Variants in ARHGAP32 observed in about 807,000 individuals in gnomAD.
ARHGAP32 encodes Rho GTPase activating protein 32.
A neutral mutation model predicts 186.5 loss-of-function variants in ARHGAP32; 51 were observed. That is an observed-to-expected ratio of 0.27 (90% CI 0.22 to 0.35). The LOEUF (loss-of-function observed/expected upper bound fraction) is 0.35. Ranked by LOEUF, ARHGAP32 falls within the 10% of genes least tolerant of loss-of-function variation. The pLI is 1.00. For synonymous variants in ARHGAP32, 950 were observed against 964.3 expected, an observed-to-expected ratio of 0.99 and a Z score of 0.27; for missense variants, 2,186 against 2,623.5, an observed-to-expected ratio of 0.83 and a Z score of 3.64.
Position 128,973,069 on chromosome 11 carries a change from T to C in ARHGAP32, c.3437A>G (p.His1146Arg), listed in dbSNP as rs776243486. The change falls in exon 22 of 23, where the codon CAT becomes CGT. Residue 1146 changes from histidine (H) to arginine (R), a missense_variant. Coordinates refer to ENST00000682385, the MANE Select transcript of ARHGAP32 (RefSeq NM_001378024.1). ...PETTATGDPT[H>R]SNTTESGEQH... ...CTCCCCAGATTCAGTTGTGTTGGAA[T>C]GGGTAGGATCCCCAGTAGCTGTTGT... is the stretch of plus-strand genomic sequence containing the variant. The C allele has an allele frequency of 1.2e-6, 2 of 1,614,120 alleles. No homozygotes were observed. The highest frequency in any genetic ancestry group is 3.3e-5 in the Admixed American group (2 of 60,012).
At chr11:129,021,534 T>G (rs1253939094) in intron 11 of ARHGAP32, among the ~76,000 whole-genome samples, 1 of 152,040 alleles carries the variant, frequency 6.6e-6, no homozygotes, top group African/African-American at 2.4e-5. Context: ...ATAGTTCCCT[T>G]GGGAAAATGG....
At chr11:129,276,179 A>G (rs924287648) in intron 1 of ARHGAP32, among the ~76,000 whole-genome samples, 2 of 152,256 alleles carry the variant, frequency 1.3e-5, no homozygotes, top group Non-Finnish European at 2.9e-5. Context: ...TCTCCAAGTA[A>G]TTGAAAATTC....
rs193269330 is a variant in ARHGAP32, at chr11:129,206,928, C to G, written c.-4-42501G>C. Among the ~76,000 whole-genome samples, 395 of 152,140 alleles carry G rather than the reference C, an allele frequency of 2.6e-3. 6 individuals carry two copies. The highest frequency in any genetic ancestry group is 9.1e-3 in the African/African-American group (376 of 41,502). Reference sequence around the variant, plus strand: ...TAGCCCCTCACCCCCCAACAGGCCCCGGTGTGTGATGTTCCCCTCTCTGTG... The same window carrying G: ...TAGCCCCTCACCCCCCAACAGGCCCGGGTGTGTGATGTTCCCCTCTCTGTG... On this transcript the variant is annotated intron_variant, in intron 1 of 6. Transcript: ENST00000525234.
chr11:129,136,161 T>C (rs2135415775), intron 2 of ARHGAP32, among the ~76,000 whole-genome samples: 1 of 152,130 alleles, frequency 6.6e-6, no homozygotes, highest in African/African-American at 2.4e-5. Context: ...AAGGCAAAAC[T>C]TGAATGAGCA....
intron 20 of ARHGAP32, among the ~76,000 whole-genome samples, chr11:128,975,838 CAGGAGTTCG>C (rs768697670): frequency 4.6e-5 from 7 of 152,248 alleles, no homozygotes; most frequent in Admixed American, 3.9e-4. Flanking sequence ...CACCTGAGGT[CAGGAGTTCG>C]AGACTAGCCT....
intron 10 of ARHGAP32, among the ~76,000 whole-genome samples, chr11:129,052,119 C>T (rs1234290611): frequency 6.6e-6 from 1 of 152,084 alleles, no homozygotes; most frequent in Non-Finnish European, 1.5e-5. Flanking sequence ...ATAAAGTTTA[C>T]TTTGGAGACG....
intron 5 of ARHGAP32, among the ~76,000 whole-genome samples, chr11:129,116,473 T>C (rs899438320): frequency 8.5e-5 from 13 of 152,170 alleles, no homozygotes; most frequent in African/African-American, 3.1e-4. Flanking sequence ...GGGAGTATAC[T>C]GCAGAACATG....
chr11:129,228,031 C>T (rs1041922539), intron 1 of ARHGAP32, among the ~76,000 whole-genome samples: 7 of 152,040 alleles, frequency 4.6e-5, no homozygotes, highest in Admixed American at 6.6e-5. Context: ...ACACAAACTA[C>T]GCTCTCTAAA....
chr11:129,053,086 G>GA (rs1480650250), intron 10 of ARHGAP32, among the ~76,000 whole-genome samples: 1 of 151,608 alleles, frequency 6.6e-6, no homozygotes, highest in South Asian at 2.1e-4. Flanking sequence ...ATAAAAAAAA[G>GA]AAAAAAACTA....
chr11:129,036,380 C>CAAAAAAAAAA (rs58678377), intron 11 of ARHGAP32, among the ~76,000 whole-genome samples: 1 of 98,682 alleles, frequency 1.0e-5, no homozygotes, highest in African/African-American at 4.5e-5. Context: ...AACTCCGTCT[C>CAAAAAAAAAA]AAAAAAAAAA....
intron 1 of ARHGAP32, among the ~76,000 whole-genome samples, chr11:129,277,662 A>G (rs1455308478): frequency 6.6e-6 from 1 of 152,178 alleles, no homozygotes; most frequent in East Asian, 1.9e-4. Context: ...CTTAAACACA[A>G]TTCCAACCTG....
rs1945224558 is a variant in ARHGAP32 at position 128,966,492 on chromosome 11, TG to T, written c.*2414del. 1 of 152,254 alleles carries T rather than the reference TG, an allele frequency of 6.6e-6. No individual in the cohort carries two copies. Among genetic ancestry groups the T allele is most frequent in the African/African-American group, 2.4e-5 (1 of 41,468 alleles). 9.4% of individuals were successfully genotyped at this position (152,254 alleles called of 1,614,324 possible). On this transcript the variant is annotated 3_prime_UTR_variant, in exon 23 of 23. Coordinates refer to ENST00000682385, the MANE Select transcript of ARHGAP32 (RefSeq NM_001378024.1). ...GCATTAAATGAAGCAACTCTAGATT[TG>T]ATCTGAAGTTTGTGTTTCACGCTTG...
chr11:128,970,528 T>A lies in ARHGAP32; in HGVS notation c.4685A>T (p.His1562Leu), dbSNP rs759079332. 4 of 1,613,512 alleles carry A rather than the reference T, an allele frequency of 2.5e-6. No homozygotes were observed. The Admixed American group carries it at 5.0e-5, about 20-fold the overall frequency. Residue 1562 changes from histidine (H) to leucine (L), a missense_variant, in exon 23 of 23, where the codon CAC (histidine) becomes CTC (leucine). By Grantham distance (99) the His-to-Leu change is moderately conservative. This residue lies in a region of ARHGAP32 where 1,502 missense variants were observed against 1,570.0 expected (regional missense o/e 0.96). Coordinates refer to ENST00000682385, the MANE Select transcript of ARHGAP32 (RefSeq NM_001378024.1). The surrounding 1 kb of genome is among the most constrained non-coding windows in gnomAD (Gnocchi z 5.8). ...CTCGACCCGGCTGCATGGCTTGGAGTGGTGTCCAGATGCGTTTCTTCCTGG... is the reference window on the plus strand; with the variant it reads ...CTCGACCCGGCTGCATGGCTTGGAGAGGTGTCCAGATGCGTTTCTTCCTGG... ...VAPGRNASGH[H>L]SKPCSRVEYV...
chr11:129,015,965 A>G (rs542782084), intron 11 of ARHGAP32, among the ~76,000 whole-genome samples: 1 of 152,244 alleles, frequency 6.6e-6, no homozygotes, highest in East Asian at 1.9e-4. Context: ...CTTTTCAACC[A>G]TATTTCAACT....
intron 1 of ARHGAP32, among the ~76,000 whole-genome samples, chr11:129,172,941 G>T (rs1299685822): frequency 4.1e-5 from 6 of 144,916 alleles, no homozygotes; most frequent in Non-Finnish European, 9.0e-5. Flanking sequence ...AAATAACTAA[G>T]ATCAGAGAAG....
chr11:129,133,865 C>T (rs1942875135), intron 2 of ARHGAP32, among the ~76,000 whole-genome samples: 1 of 152,120 alleles, frequency 6.6e-6, no homozygotes, highest in Non-Finnish European at 1.5e-5. Context: ...GCAAATATAA[C>T]AGATTATTAA....
At chr11:129,012,147 G>C (rs1044897580) in intron 11 of ARHGAP32, among the ~76,000 whole-genome samples, 1 of 152,074 alleles carries the variant, frequency 6.6e-6, no homozygotes, top group Non-Finnish European at 1.5e-5. Context: ...TGCTTAGTGG[G>C]ATATATTCTA....
intron 11 of ARHGAP32, among the ~76,000 whole-genome samples, chr11:129,013,288 C>T (rs1403951716): frequency 6.6e-6 from 1 of 152,196 alleles, no homozygotes; most frequent in East Asian, 1.9e-4. Flanking sequence ...GGCCACTTTG[C>T]ATTGTCACCT....
intron 1 of ARHGAP32, among the ~76,000 whole-genome samples, chr11:129,266,684 T>C (rs1251229375): frequency 6.6e-6 from 1 of 152,198 alleles, no homozygotes; most frequent in African/African-American, 2.4e-5. Context: ...CATAGAACAG[T>C]ACTGCTTAGA....
Sources: allele counts gnomAD v4.1 joint callset (sites outside exome capture counted in the v4.1 genomes callset), GRCh38; gene constraint gnomAD v4.1.1; regional missense constraint gnomAD v4.1.1; non-coding constraint Gnocchi (gnomAD v3.1); transcripts MANE v1.5; gene names NCBI Gene and HGNC (gene_info 2026-07-23, HGNC 2026-07-21).